Variants in TRIM5 observed in about 807,000 individuals in gnomAD.
TRIM5 encodes the protein tripartite motif-containing protein 5.
TRIM5 carries 31 observed loss-of-function variants against 35.6 expected under a neutral mutation model. The ratio of observed to expected loss-of-function variants is 0.87; its 90% CI spans 0.65 to 1.18. TRIM5 has a LOEUF of 1.18. TRIM5 is among the 50% of genes most tolerant of loss of function. The pLI, the probability that TRIM5 is intolerant of heterozygous loss-of-function variation, is 0.00. For missense variants in TRIM5, 609 were observed against 591.6 expected (o/e 1.03, Z -0.31); for synonymous variants, 243 against 215.6 (o/e 1.13, Z -1.11).
chr11:5,592,632 T>A, the TRIM5 span, among the ~76,000 whole-genome samples: 1 of 151,788 alleles, frequency 6.6e-6, no homozygotes, highest in Non-Finnish European at 1.5e-5. Flanking sequence ...AAAGGAAAGA[T>A]GGGGCCAGGC....
chr11:5,615,586 TTGTTG>T, the TRIM5 span, among the ~76,000 whole-genome samples: 2 of 62,710 alleles, frequency 3.2e-5, no homozygotes, highest in Non-Finnish European at 7.5e-5. Context: ...TGTTTTTTTT[TTGTTG>T]TTGTTGTTGT....
the TRIM5 span, chr11:5,643,437 G>T: frequency 6.2e-7 from 1 of 1,614,036 alleles, no homozygotes; most frequent in African/African-American, 1.3e-5. Flanking sequence ...TGGCTACTGG[G>T]TTATAGGGTT....
chr11:5,651,352 T>C, the TRIM5 span, among the ~76,000 whole-genome samples: 31 of 152,188 alleles, frequency 2.0e-4, no homozygotes, highest in African/African-American at 7.5e-4. Context: ...ACCTGGGTAA[T>C]AAGCATAGTA....
At chr11:5,650,909 C>T in the TRIM5 span, among the ~76,000 whole-genome samples, 1 of 152,240 alleles carries the variant, frequency 6.6e-6, no homozygotes, top group Non-Finnish European at 1.5e-5. Context: ...TCTTCCTTAT[C>T]TGCCACAGAC....
the TRIM5 span, among the ~76,000 whole-genome samples, chr11:5,602,763 G>A: frequency 2.0e-5 from 3 of 151,596 alleles, no homozygotes; most frequent in African/African-American, 7.2e-5. Context: ...AGACCACCCT[G>A]GCTAACATGG....
At chr11:5,651,281 T>C in the TRIM5 span, among the ~76,000 whole-genome samples, 2 of 152,208 alleles carry the variant, frequency 1.3e-5, no homozygotes, top group African/African-American at 4.8e-5. Flanking sequence ...GGGGTACATG[T>C]GCAGATTTCT....
the TRIM5 span, chr11:5,597,027 TTTTC>T: frequency 1.3e-6 from 2 of 1,559,488 alleles, no homozygotes; most frequent in Admixed American, 3.8e-5. Context: ...CTTTATTTCT[TTTTC>T]TTTCTCACTG....
the TRIM5 span, chr11:5,634,526 CACACATATATAT>C: frequency 1.5e-6 from 1 of 653,120 alleles, no homozygotes. Flanking sequence ...CACACACACA[CACACATATATAT>C]ATATATATAT....
the TRIM5 span, chr11:5,604,396 T>G: frequency 4.7e-6 from 4 of 853,852 alleles, no homozygotes; most frequent in African/African-American, 1.7e-5. Context: ...AAAGATTTGT[T>G]GGCCCTCTCA....
the TRIM5 span, among the ~76,000 whole-genome samples, chr11:5,649,554 T>C: frequency 2.6e-5 from 4 of 152,198 alleles, no homozygotes; most frequent in Admixed American, 6.5e-5. Flanking sequence ...AGCACAGTAA[T>C]TCCTGTCTTT....
the TRIM5 span, chr11:5,634,530 C>CACACATATATATATATATATATAT: frequency 6.4e-5 from 13 of 203,906 alleles, no homozygotes; most frequent in African/African-American, 4.5e-4. Flanking sequence ...CACACACACA[C>CACACATATATATATATATATATAT]ATATATATAT....
chr11:5,633,413 T>C, the TRIM5 span, among the ~76,000 whole-genome samples: 1 of 152,268 alleles, frequency 6.6e-6, no homozygotes, highest in Admixed American at 6.5e-5. Flanking sequence ...ATTTTTGTCT[T>C]GTTTTTTCCT....
the TRIM5 span, among the ~76,000 whole-genome samples, chr11:5,607,078 CCTGTA>C: frequency 2.0e-5 from 3 of 152,078 alleles, no homozygotes; most frequent in Non-Finnish European, 4.4e-5. Flanking sequence ...GTGGCGGGCG[CCTGTA>C]GTCCCAGCTA....
In TRIM5 at chr11:5,680,003, G is replaced by C. The variant is rs757043585; in HGVS notation, c.175C>G (p.Arg59Gly). ...ATGTTCTCAGGCTGGTAACTGATCCGGCACACAGGGCAGCTACTCTCTCCT... is the reference window on the plus strand; with the variant it reads ...ATGTTCTCAGGCTGGTAACTGATCCCGCACACAGGGCAGCTACTCTCTCCT... ...DKGESSCPVC[R>G]ISYQPENIRP... The change falls in exon 2 of 8, where the codon CGG (arginine) becomes GGG (glycine). Residue 59 changes from arginine (R) to glycine (G), a missense_variant. Coordinates refer to ENST00000380034, the MANE Select transcript of TRIM5 (RefSeq NM_033034.3). 9 of 1,614,020 alleles carry C rather than the reference G, an allele frequency of 5.6e-6. No homozygotes were observed. The highest frequency in any genetic ancestry group is 1.6e-4 in the Middle Eastern group (1 of 6,062).
At chr11:5,658,259 C>T (rs1850697848), downstream of TRIM5, among the ~76,000 whole-genome samples, 1 of 152,210 alleles carries the variant, frequency 6.6e-6, no homozygotes, top group African/African-American at 2.4e-5. Context: ...TGGACCGATG[C>T]AGAGATTGGT....
At chr11:5,593,743 T>A in the TRIM5 span, among the ~76,000 whole-genome samples, 5 of 152,212 alleles carry the variant, frequency 3.3e-5, no homozygotes, top group African/African-American at 1.2e-4. Flanking sequence ...CTGGCTCTGT[T>A]GATACCACCC....
the TRIM5 span, among the ~76,000 whole-genome samples, chr11:5,591,502 G>T: frequency 1.3e-5 from 2 of 152,180 alleles, no homozygotes; most frequent in South Asian, 4.1e-4. Context: ...TACAAAATTA[G>T]CTGGGCGTGT....
chr11:5,632,631 T>C, the TRIM5 span: 1 of 1,613,264 alleles, frequency 6.2e-7, no homozygotes, highest in Non-Finnish European at 8.5e-7. Context: ...GTGATCATCA[T>C]GGAGAGAAAC....
At chr11:5,626,261 T>C in the TRIM5 span, among the ~76,000 whole-genome samples, 7,495 of 152,224 alleles carry the variant, frequency 0.049, 273 homozygotes, top group Non-Finnish European at 0.078. Context: ...TCAATAAATA[T>C]GAAATATACG....
Sources: allele counts gnomAD v4.1 joint callset (sites outside exome capture counted in the v4.1 genomes callset), GRCh38; gene constraint gnomAD v4.1.1; transcripts MANE v1.5; gene names NCBI Gene and HGNC (gene_info 2026-07-23, HGNC 2026-07-21).